ABR: variants seen among roughly 807,000 people sequenced by gnomAD.
ABR encodes ABR activator of RhoGEF and GTPase, also known as active breakpoint cluster region-related protein.
Under a neutral mutation model 107.2 loss-of-function variants are expected in ABR, and 35 were observed. That is an observed-to-expected ratio of 0.33 (90% confidence interval 0.25 to 0.43). The LOEUF (loss-of-function observed/expected upper bound fraction) is 0.43. Among genes scored for constraint, ABR ranks in the 20% least tolerant of loss-of-function variants. The pLI is 1.00. For missense variants in ABR, 815 were observed against 1,115.2 expected, an observed-to-expected ratio of 0.73 and a Z score of 3.83; for synonymous variants, 498 against 462.0, an observed-to-expected ratio of 1.08 and a Z score of -1.00.
intron 9 of ABR, 45 bp downstream of exon 9, chr17:1,069,924 C>G (rs772574495): frequency 1.7e-5 from 19 of 1,131,006 alleles, no homozygotes; most frequent in Non-Finnish European, 2.4e-6. Context: ...CCGCAGAGGT[C>G]CGGACCCCCT....
Position 1,172,952 on chromosome 17 carries a change from C to G in ABR, c.61+6715G>C, listed in dbSNP as rs571743845. Among the ~76,000 whole-genome samples, 5 of 33,698 alleles carry G rather than the reference C, an allele frequency of 1.5e-4. No homozygotes were observed. In the South Asian group the frequency reaches 5.9e-3, roughly 40 times the overall value. 22.1% of individuals were successfully genotyped at this position (33,698 alleles called of 152,430 possible). A position where few individuals can be genotyped will look rare whatever the true frequency, so the allele number is the denominator to read the frequency against. On this transcript the variant is annotated intron_variant, in intron 1 of 22. Coordinates refer to ENST00000302538, the MANE Select transcript of ABR (RefSeq NM_021962.5). ...ATATAGAACAGAGCAGGTAATCCACCCCCCCCATCACCTCAGCCCACCCAA... is the reference window on the plus strand; with the variant it reads ...ATATAGAACAGAGCAGGTAATCCACGCCCCCCATCACCTCAGCCCACCCAA...
chr17:1,113,277 G>GGTTT (rs1416563541), intron 2 of ABR, among the ~76,000 whole-genome samples: 2,680 of 87,950 alleles, frequency 0.03, 811 homozygotes, highest in East Asian at 0.04. Flanking sequence ...CACCTATTGC[G>GGTTT]ATTTTTTTTT....
At chr17:1,213,288 A>T (rs1183831276) in intron 1 of ABR, among the ~76,000 whole-genome samples, 1 of 152,216 alleles carries the variant, frequency 6.6e-6, no homozygotes, top group African/African-American at 2.4e-5. Context: ...TTTGAGACCC[A>T]ACTAGCAAAC....
chr17:1,050,432 G>A lies in ABR; in HGVS notation c.1659+105C>T, dbSNP rs984067392. On this transcript the variant is annotated intron_variant, in intron 15 of 22. Transcript: ENST00000302538. This position sits in a 1 kb window ranked among gnomAD's most constrained non-coding sequence, Gnocchi z 4.6. ...AGAGGAGCAGGGAGCAGAAAGGGGG[G>A]TGCAGACATAGCTGGTCCAACCAAT... is the stretch of plus-strand genomic sequence containing the variant. The A allele has an allele frequency of 1.2e-5, 14 of 1,126,870 alleles. No individual in the cohort carries two copies. Among genetic ancestry groups the A allele is most frequent in the Admixed American group, 3.5e-5 (2 of 57,268 alleles). The allele number at this position is 1,126,870 out of a possible 1,614,324, so 69.8% of individuals were successfully genotyped here.
rs544034167 is a variant in ABR at position 1,070,771 on chromosome 17, G to A, written c.895-681C>T. Among the ~76,000 whole-genome samples, 44 of 152,290 alleles carry A rather than the reference G, an allele frequency of 2.9e-4. 1 individual carries two copies. In the South Asian group the frequency reaches 6.8e-3, roughly 24 times the overall value. ...GAGTTTCCAACCCCCGCTCAGAGCCGGGGGGTCGTCCCCATCTGTGCCAGC... is the reference window on the plus strand; with the variant it reads ...GAGTTTCCAACCCCCGCTCAGAGCCAGGGGGTCGTCCCCATCTGTGCCAGC... On this transcript the variant is annotated intron_variant, in intron 8 of 22. Transcript: ENST00000302538. This position sits in a 1 kb window ranked among gnomAD's most constrained non-coding sequence, Gnocchi z 4.2.
At chr17:1,170,069 A>G (rs16959201) in intron 1 of ABR, among the ~76,000 whole-genome samples, 2,555 of 151,952 alleles carry the variant, frequency 0.017, 89 homozygotes, top group African/African-American at 0.058. Flanking sequence ...TTCCAGGAAC[A>G]CAGCAATGCA....
intron 1 of ABR, among the ~76,000 whole-genome samples, chr17:1,227,245 T>G (rs1173615564): frequency 1.3e-5 from 2 of 152,058 alleles, no homozygotes; most frequent in Non-Finnish European, 2.9e-5. Context: ...GAAATAAAAA[T>G]CACTCCCTGG....
chr17:1,079,863 C>A (rs1413019698), intron 5 of ABR, among the ~76,000 whole-genome samples: 1 of 147,746 alleles, frequency 6.8e-6, no homozygotes, highest in African/African-American at 2.5e-5. Flanking sequence ...TGGGCTGCCT[C>A]TGCCACCCCA....
intron 1 of ABR, among the ~76,000 whole-genome samples, chr17:1,201,564 T>A (rs1430438154): frequency 6.6e-6 from 1 of 152,144 alleles, no homozygotes; most frequent in Non-Finnish European, 1.5e-5. Flanking sequence ...GCCGAAGAGA[T>A]GACGGCAACC....
intron 1 of ABR, among the ~76,000 whole-genome samples, chr17:1,227,166 C>T (rs370554634): frequency 8.7e-4 from 133 of 152,262 alleles, no homozygotes; most frequent in African/African-American, 2.9e-3. Flanking sequence ...GGGGCAGCGC[C>T]GATTTCTAAC....
intron 1 of ABR, among the ~76,000 whole-genome samples, chr17:1,143,915 A>G (rs1421252845): frequency 2.0e-5 from 3 of 152,078 alleles, no homozygotes; most frequent in Non-Finnish European, 4.4e-5. Context: ...TTATCTGCGC[A>G]GTGTTTTACA....
chr17:1,008,453 A>G (rs1161071470), intron 21 of ABR, among the ~76,000 whole-genome samples: 1 of 152,234 alleles, frequency 6.6e-6, no homozygotes, highest in Non-Finnish European at 1.5e-5. Flanking sequence ...ACACGCGCGC[A>G]CACGGTCCAG....
chr17:1,086,121 G>C (rs551553590), intron 4 of ABR, among the ~76,000 whole-genome samples: 2 of 152,260 alleles, frequency 1.3e-5, no homozygotes, highest in Admixed American at 1.3e-4. Context: ...ACTCCAGCCT[G>C]GGTGACAAGA....
chr17:1,168,301 A>G (rs1431994380), intron 1 of ABR, among the ~76,000 whole-genome samples: 3 of 151,656 alleles, frequency 2.0e-5, no homozygotes, highest in Non-Finnish European at 4.4e-5. Context: ...ACTCTGTCTC[A>G]AAAAAAAAGA....
Position 1,154,195 on chromosome 17 carries a change from C to T in ABR, c.61+25472G>A, listed in dbSNP as rs72631496. 0.13 allele frequency: 20,033 copies of T among 152,420 alleles called. 1,881 individuals are homozygous for T. Among genetic ancestry groups the T allele is most frequent in the East Asian group, 0.47 (2,420 of 5,172 alleles). 9.4% of individuals were successfully genotyped at this position (152,420 alleles called of 1,614,324 possible). A position where few individuals can be genotyped will look rare whatever the true frequency, so the allele number is the denominator to read the frequency against. Reference sequence around the variant, plus strand: ...CTTCATGATCCTGGTGTCCCTGCCGCGGCTGCCACTTCTGGGAGATTCATC... The same window carrying T: ...CTTCATGATCCTGGTGTCCCTGCCGTGGCTGCCACTTCTGGGAGATTCATC... On this transcript the variant is annotated intron_variant, in intron 1 of 22. Coordinates refer to ENST00000302538, the MANE Select transcript of ABR (RefSeq NM_021962.5). The surrounding 1 kb of genome is among the most constrained non-coding windows in gnomAD (Gnocchi z 4.0).
chr17:1,201,580 A>G lies in ABR; in HGVS notation c.838+27213T>C, dbSNP rs2042671855. 2.0e-5 allele frequency among the ~76,000 whole-genome samples: 3 copies of G among 152,100 alleles called. 1 individual carries two copies. The South Asian group carries it at 6.2e-4, about 32-fold the overall frequency. On this transcript the variant is annotated intron_variant, in intron 1 of 22. Transcript: ENST00000574139. Reference sequence around the variant, plus strand: ...CCGAAGAGATGACGGCAACCCCGATATTGTGCGTGGTGTGAAGGTCACCAA... The same window carrying G: ...CCGAAGAGATGACGGCAACCCCGATGTTGTGCGTGGTGTGAAGGTCACCAA...
intron 1 of ABR, among the ~76,000 whole-genome samples, chr17:1,166,872 C>T (rs888297916): frequency 3.3e-5 from 5 of 152,076 alleles, no homozygotes; most frequent in African/African-American, 1.2e-4. Context: ...CATGGTGGCA[C>T]GCGCCTGTAG....
Position 1,050,743 on chromosome 17 carries a change from C to A in ABR, c.1562-109G>T. The stretch of plus-strand genomic sequence containing the variant: ...ATCGCATCTGTCCTTTCCAACGTCC[C>A]CACGGATGGCATCTTGGCTCTCTCC... On this transcript the variant is annotated intron_variant, in intron 14 of 22. Transcript: ENST00000302538. The surrounding 1 kb of genome is among the most constrained non-coding windows in gnomAD (Gnocchi z 4.6). 1 of 853,250 alleles carries A rather than the reference C, an allele frequency of 1.2e-6. No individual in the cohort carries two copies. The highest frequency in any genetic ancestry group is 2.6e-5 in the East Asian group (1 of 38,714). The allele number at this position is 853,250 out of a possible 1,614,324, so 52.9% of individuals were successfully genotyped here. A position where few individuals can be genotyped will look rare whatever the true frequency, so the allele number is the denominator to read the frequency against.
At chr17:1,093,442 C>T (rs2037172017) in intron 3 of ABR, among the ~76,000 whole-genome samples, 1 of 152,094 alleles carries the variant, frequency 6.6e-6, no homozygotes, top group East Asian at 1.9e-4. Context: ...GCACTCCAGC[C>T]TGGGTGACAG....
Sources: gnomAD v4.1 joint callset for allele counts (sites outside exome capture counted in the v4.1 genomes callset) on GRCh38, gnomAD v4.1.1 for gene constraint, Gnocchi (gnomAD v3.1) non-coding constraint, MANE v1.5 for transcripts, NCBI Gene and HGNC (gene_info 2026-07-23, HGNC 2026-07-21) for gene names.